ACAN: variants seen among roughly 807,000 people sequenced by gnomAD.
ACAN encodes aggrecan core protein.
In ACAN, 47 loss-of-function variants were observed where a neutral mutation model predicts 169.1. The observed-to-expected ratio is 0.28, with a 90% CI of 0.22 to 0.35. ACAN has a LOEUF of 0.35. Ranked by LOEUF, ACAN falls within the 10% of genes least tolerant of loss-of-function variation. ACAN has a pLI of 1.00. For missense variants in ACAN, 2,716 were observed against 2,759.9 expected, an observed-to-expected ratio of 0.98 and a Z score of 0.36; for synonymous variants, 1,115 against 1,112.2, an observed-to-expected ratio of 1.00 and a Z score of -0.05.
chr15:88,845,791 C>T lies in ACAN; in HGVS notation c.1338C>T (p.Pro446=). Residue 446 remains proline (P), a synonymous_variant, in exon 7 of 19, where the codon CCC becomes CCT. Coordinates refer to ENST00000560601, the MANE Select transcript of ACAN (RefSeq NM_001369268.1). ...AGGCCACCAGGCCCTGGGGCTTTCC[C>T]ACACCTGGCCTGGGCCCTGCCACGG... ...TGEATRPWGF[P]TPGLGPATAF... The T allele has an allele frequency of 1.3e-6, 2 of 1,588,480 alleles. No homozygotes were observed. Among genetic ancestry groups the T allele is most frequent in the South Asian group, 1.1e-5 (1 of 87,174 alleles).
In ACAN at chr15:88,841,963, G is replaced by A; in HGVS notation, c.757+96G>A. On this transcript the variant is annotated intron_variant, in intron 5 of 18. Transcript: ENST00000560601. ...ACTGACACCTGAGATCACACAGGCT[G>A]CCAGCTCAGGGCCTGACACACTCTG... The A allele has an allele frequency of 3.3e-6, 5 of 1,516,042 alleles. No individual in the cohort carries two copies. In the South Asian group the frequency reaches 4.6e-5, roughly 14 times the overall value. The allele number at this position is 1,516,042 out of a possible 1,614,324, so 93.9% of individuals were successfully genotyped here.
chr15:88,825,786 C>A (rs561660439), intron 1 of ACAN, among the ~76,000 whole-genome samples: 1 of 152,322 alleles, frequency 6.6e-6, no homozygotes, highest in South Asian at 2.1e-4. Context: ...CCAGCCTGCT[C>A]CTTCCACTTC....
rs1403501275 is a variant in ACAN at position 88,845,744 on chromosome 15, G to A, written c.1291G>A (p.Glu431Lys). 2 of 1,613,496 alleles carry A rather than the reference G, an allele frequency of 1.2e-6. No individual in the cohort carries two copies. Among genetic ancestry groups the A allele is most frequent in the Admixed American group, 1.7e-5 (1 of 59,974 alleles). Reference protein sequence around the residue: ...APEIGATAFAEVENETGEATR... With the variant: ...APEIGATAFAKVENETGEATR... ...TGAAATAGGGGCCACTGCCTTCGCTGAGGTTGAGAATGAGACTGGAGAGGC... is the reference window on the plus strand; with the variant it reads ...TGAAATAGGGGCCACTGCCTTCGCTAAGGTTGAGAATGAGACTGGAGAGGC... The change falls in exon 7 of 19, where the codon GAG becomes AAG. Residue 431 changes from glutamate (E) to lysine (K), a missense_variant. Physicochemically the swap from Glu to Lys is moderately conservative, Grantham distance 56. Coordinates refer to ENST00000560601, the MANE Select transcript of ACAN (RefSeq NM_001369268.1).
rs780006455 is a variant in ACAN, at chr15:88,871,421, G to A, written c.7100G>A (p.Gly2367Asp). Residue 2367 changes from glycine (G) to aspartate (D), a missense_variant, in exon 15 of 19, where the codon GGC becomes GAC. Coordinates refer to ENST00000560601, the MANE Select transcript of ACAN (RefSeq NM_001369268.1). This position sits in a 1 kb window ranked among gnomAD's most constrained non-coding sequence, Gnocchi z 7.8. ...GAGGAGGGCTGGAACAAGTACCAGG[G>A]CCACTGTTACCGCCACTTCCCGGAC... ...VCEEGWNKYQ[G>D]HCYRHFPDRE... 2 of 1,613,934 alleles carry A rather than the reference G, an allele frequency of 1.2e-6. No homozygotes were observed. The highest frequency in any genetic ancestry group is 1.7e-6 in the Non-Finnish European group (2 of 1,179,898).
At chr15:88,830,884 T>C (rs1289511914) in intron 1 of ACAN, among the ~76,000 whole-genome samples, 1 of 152,164 alleles carries the variant, frequency 6.6e-6, no homozygotes, top group Admixed American at 6.5e-5. Flanking sequence ...GGCTGCAGCA[T>C]CACCAGGTGA....
rs773809580 is a variant in ACAN, at chr15:88,871,433, G to A, written c.7112G>A (p.Arg2371His). The A allele has an allele frequency of 1.4e-5, 23 of 1,613,798 alleles. No homozygotes were observed. The East Asian group carries it at 1.8e-4, about 13-fold the overall frequency. Residue 2371 changes from arginine (R) to histidine (H), a missense_variant, in exon 15 of 19, where the codon CGC becomes CAC. Around this residue, in one of 3 missense-constraint regions of ACAN, gnomAD observed 1,389 missense variants for 1,363.7 expected, o/e 1.02. Transcript: ENST00000560601. This position sits in a 1 kb window ranked among gnomAD's most constrained non-coding sequence, Gnocchi z 7.8. The stretch of plus-strand genomic sequence containing the variant: ...AACAAGTACCAGGGCCACTGTTACC[G>A]CCACTTCCCGGACCGCGAGACCTGG... ...GWNKYQGHCY[R>H]HFPDRETWVD...
chr15:88,823,231 G>A (rs1896123456), intron 1 of ACAN, among the ~76,000 whole-genome samples: 1 of 152,184 alleles, frequency 6.6e-6, no homozygotes, highest in African/African-American at 2.4e-5. Context: ...TCCCTGCCCA[G>A]GAAAGGTACT....
In ACAN at chr15:88,860,072, CTTTT is replaced by C. The variant is rs57985365; in HGVS notation, c.6833-236_6833-233del. Among the ~76,000 whole-genome samples the C allele has an allele frequency of 0.015, 1,530 of 102,892 alleles. 51 individuals carry two copies. The highest frequency in any genetic ancestry group is 0.067 in the African/African-American group (1,423 of 21,182). The allele number at this position is 102,892 out of a possible 152,430, so 67.5% of individuals were successfully genotyped here. On this transcript the variant is annotated intron_variant, in intron 12 of 18. Transcript: ENST00000560601. ...GCACTGGTAGCGGTAGCTGATTTTC[CTTTT>C]TTTTTTTTTTTTTTTTTGCTCTGGG... is the stretch of plus-strand genomic sequence containing the variant.
chr15:88,854,803 G>A (rs762595732), intron 11 of ACAN, 49 bp from the exon 12 acceptor site: 16 of 1,378,306 alleles, frequency 1.2e-5, no homozygotes, highest in Non-Finnish European at 2.8e-6. Context: ...CTTAAAGTGG[G>A]GCAGAGTTAA....
intron 1 of ACAN, among the ~76,000 whole-genome samples, chr15:88,831,503 C>T (rs926001002): frequency 6.6e-6 from 1 of 152,236 alleles, no homozygotes; most frequent in East Asian, 1.9e-4. Flanking sequence ...CTAAGACGTA[C>T]GGGCTGCCAT....
At chr15:88,825,162 G>A (rs2141527755) in intron 1 of ACAN, among the ~76,000 whole-genome samples, 1 of 152,270 alleles carries the variant, frequency 6.6e-6, no homozygotes, top group South Asian at 2.1e-4. Flanking sequence ...CGGATCACAT[G>A]GGGCCTCACA....
In ACAN at chr15:88,851,546, G is replaced by A. The variant is rs948996302; in HGVS notation, c.2027-248G>A. The A allele has an allele frequency of 4.2e-5, 19 of 448,554 alleles. No homozygotes were observed. Among genetic ancestry groups the A allele is most frequent in the African/African-American group, 2.9e-4 (15 of 51,494 alleles). 27.8% of individuals were successfully genotyped at this position (448,554 alleles called of 1,614,324 possible). ...TACACAAGGCTTTAGAGCAATGCCC[G>A]GCATATATGGTCAATTCTGCAGGGG... On this transcript the variant is annotated intron_variant, in intron 10 of 18. Coordinates refer to ENST00000560601, the MANE Select transcript of ACAN (RefSeq NM_001369268.1). This position sits in a 1 kb window ranked among gnomAD's most constrained non-coding sequence, Gnocchi z 4.3.
rs532554646 is a variant in ACAN at position 88,853,155 on chromosome 15, G to A, written c.2266+1122G>A. Among the ~76,000 whole-genome samples, 16 of 152,308 alleles carry A rather than the reference G, an allele frequency of 1.1e-4. 1 individual carries two copies. In the South Asian group the frequency reaches 2.9e-3, roughly 28 times the overall value. ...ACTGAGTCCTCTTTGGCATCGGGGT[G>A]TGACTTTGCACAGGACTCTGGCAAC... On this transcript the variant is annotated intron_variant, in intron 11 of 18. Coordinates refer to ENST00000560601, the MANE Select transcript of ACAN (RefSeq NM_001369268.1).
intron 6 of ACAN, 34 bp from the exon 7 acceptor site, chr15:88,845,471 G>A (rs1220349375): frequency 1.3e-6 from 2 of 1,563,240 alleles, no homozygotes; most frequent in Non-Finnish European, 1.7e-6. Flanking sequence ...GTCCCAGGCT[G>A]AGAGGCTAAA....
chr15:88,840,901 T>G (rs550403528), intron 4 of ACAN, among the ~76,000 whole-genome samples: 66 of 152,068 alleles, frequency 4.3e-4, no homozygotes, highest in Middle Eastern at 3.4e-3. Context: ...TCCCAGCACT[T>G]TGGGAGGCCA....
chr15:88,851,818 GAGA>G lies in ACAN; in HGVS notation c.2058_2060del (p.Glu687del), dbSNP rs878917510. 4 of 1,604,152 alleles carry G rather than the reference GAGA, an allele frequency of 2.5e-6. No homozygotes were observed. The Admixed American group carries it at 5.1e-5, about 21-fold the overall frequency. ...GGCATTTCAGCGGTTCCTTCTCCAGGAGAAGAAGAGGGTGGCACACCCACATCA... is the reference window on the plus strand; with the variant it reads ...GGCATTTCAGCGGTTCCTTCTCCAGGAGAAGAGGGTGGCACACCCACATCA... On this transcript the variant is annotated inframe_deletion, in exon 11 of 19. Transcript: ENST00000560601. The surrounding 1 kb of genome is among the most constrained non-coding windows in gnomAD (Gnocchi z 4.3).
intron 1 of ACAN, among the ~76,000 whole-genome samples, chr15:88,804,516 AG>A (rs751198099): frequency 6.6e-6 from 1 of 152,150 alleles, no homozygotes; most frequent in Non-Finnish European, 1.5e-5. Flanking sequence ...TTCTCAAGGA[AG>A]AAAGGGGAGG....
intron 5 of ACAN, among the ~76,000 whole-genome samples, chr15:88,842,898 C>A (rs1050480079): frequency 2.0e-5 from 3 of 152,102 alleles, no homozygotes; most frequent in Non-Finnish European, 4.4e-5. Flanking sequence ...TCTTCAGGGT[C>A]TAGAGACCCC....
intron 1 of ACAN, among the ~76,000 whole-genome samples, chr15:88,827,471 G>C (rs183591026): frequency 1.3e-5 from 2 of 152,342 alleles, no homozygotes; most frequent in African/African-American, 4.8e-5. Context: ...CCCATTAGTT[G>C]GGTGGCTACT....
Sources: gnomAD v4.1 joint callset for allele counts (sites outside exome capture counted in the v4.1 genomes callset) on GRCh38, gnomAD v4.1.1 for gene constraint, gnomAD v4.1.1 regional missense constraint, Gnocchi (gnomAD v3.1) non-coding constraint, MANE v1.5 for transcripts, NCBI Gene and HGNC (gene_info 2026-07-23, HGNC 2026-07-21) for gene names.